OTOG: variants seen among roughly 807,000 people sequenced by gnomAD.
The protein encoded by OTOG is otogelin.
OTOG carries 296 observed loss-of-function variants against 313.8 expected under a neutral mutation model. That is an observed-to-expected ratio of 0.94 (90% confidence interval 0.86 to 1.04). The LOEUF is 1.04. OTOG is among the 50% of genes least tolerant of loss of function. The pLI, the probability that OTOG is intolerant of heterozygous loss-of-function variation, is 0.00. For missense variants in OTOG, 3,948 were observed against 3,840.1 expected (o/e 1.03, Z -0.74); for synonymous variants, 1,533 against 1,554.9 (o/e 0.99, Z 0.33).
At position 17,560,360 on chromosome 11, in the gene OTOG, A is replaced by G. The variant is rs574105082; in HGVS notation, c.1343-349A>G. Reference sequence around the variant, plus strand: ...ATAAGAAAAAATACAGGAATTCAGAATGGGGAGAGGTTGTCAGGGAAGTCA... The same window carrying G: ...ATAAGAAAAAATACAGGAATTCAGAGTGGGGAGAGGTTGTCAGGGAAGTCA... On this transcript the variant is annotated intron_variant, in intron 12 of 55. Coordinates refer to ENST00000399397, the MANE Select transcript of OTOG (RefSeq NM_001292063.2). Among the ~76,000 whole-genome samples the G allele has an allele frequency of 1.7e-4, 26 of 152,284 alleles. 1 individual carries two copies. The South Asian group carries it at 5.4e-3, about 32-fold the overall frequency.
chr11:17,562,141 T>G (rs1206717955), intron 15 of OTOG, among the ~76,000 whole-genome samples: 1 of 145,178 alleles, frequency 6.9e-6, no homozygotes, highest in Non-Finnish European at 1.5e-5. Context: ...AAATCTCTTG[T>G]AGAATATGTT....
Position 17,557,132 on chromosome 11 carries a change from A to C in OTOG, c.674A>C (p.His225Pro), listed in dbSNP as rs759531786. 3 of 1,550,182 alleles carry C rather than the reference A, an allele frequency of 1.9e-6. No individual in the cohort carries two copies. Among genetic ancestry groups the C allele is most frequent in the Non-Finnish European group, 2.6e-6 (3 of 1,146,976 alleles). Residue 225 changes from histidine to proline, a missense_variant, in exon 8 of 56, where the codon CAT becomes CCT. By Grantham distance (77) the His-to-Pro change is moderately conservative. Transcript: ENST00000399397. ...THGGMRVQLP[H>P]VMGSARLQQL... ...GTGCCCTGCAGGGTCCAACTGCCAC[A>C]TGTCATGGGGAGCGCGCGTCTGCAG...
At position 17,559,291 on chromosome 11, in the gene OTOG, A is replaced by G. The variant is rs536291000; in HGVS notation, c.1213+130A>G. On this transcript the variant is annotated intron_variant, in intron 11 of 55. Coordinates refer to ENST00000399397, the MANE Select transcript of OTOG (RefSeq NM_001292063.2). ...CTCTCAGCCCCGAGGTTTTATCGCC[A>G]TGAGAAAGACGAAAAAACTGAGGCT... is the stretch of plus-strand genomic sequence containing the variant. The G allele has an allele frequency of 5.4e-5, 52 of 959,334 alleles. No homozygotes were observed. In the South Asian group the frequency reaches 9.0e-4, roughly 17 times the overall value. 59.4% of individuals were successfully genotyped at this position (959,334 alleles called of 1,614,324 possible). A position where few individuals can be genotyped will look rare whatever the true frequency, so the allele number is the denominator to read the frequency against.
chr11:17,634,891 GGCCACC>G lies in OTOG; in HGVS notation c.7532_7537del (p.His2511_Arg2512del). ...GGGTCTCGCCCCCACATGCCGCCCAGGCCACCGCCTCCTCACCCACTTCCAGGAGGA... is the reference window on the plus strand; with the variant it reads ...GGGTCTCGCCCCCACATGCCGCCCAGGCCTCCTCACCCACTTCCAGGAGGA... On this transcript the variant is annotated inframe_deletion, in exon 45 of 56. Coordinates refer to ENST00000399397, the MANE Select transcript of OTOG (RefSeq NM_001292063.2). The G allele has an allele frequency of 6.5e-7, 1 of 1,543,576 alleles. No individual in the cohort carries two copies. The highest frequency in any genetic ancestry group is 2.5e-5 in the East Asian group (1 of 40,450).
chr11:17,601,155 A>T (rs1853239455), intron 31 of OTOG, among the ~76,000 whole-genome samples: 1 of 151,920 alleles, frequency 6.6e-6, no homozygotes, highest in Admixed American at 6.6e-5. Context: ...CTTGTCTCCC[A>T]TCTAGTGGGG....
intron 3 of OTOG, among the ~76,000 whole-genome samples, chr11:17,550,637 G>A (rs942167441): frequency 5.9e-5 from 9 of 152,166 alleles, no homozygotes; most frequent in Admixed American, 1.3e-4. Flanking sequence ...GTGAGGACAC[G>A]AAGACTGAGT....
At position 17,612,170 on chromosome 11, in the gene OTOG, C is replaced by T. The variant is rs935529251; in HGVS notation, c.6132C>T (p.Ala2044=). 5 of 1,549,450 alleles carry T rather than the reference C, an allele frequency of 3.2e-6. No homozygotes were observed. The highest frequency in any genetic ancestry group is 2.4e-5 in the East Asian group (1 of 40,908). ...CTCCACTCTGTACCCAGCCAATCGC[C>T]GAGCAGGACTGCGTCCGCCACATCT... ...ANTSTTCVPI[A]EQDCVRHICL... is the part of the protein sequence containing the mutation. The change falls in exon 37 of 56, where the codon GCC becomes GCT. Residue 2044 remains alanine, a synonymous_variant. Transcript: ENST00000399397.
At chr11:17,642,041 G>A in intron 52 of OTOG, 86 bp from the exon 53 acceptor site, 3 of 1,519,766 alleles carry the variant, frequency 2.0e-6, no homozygotes, top group Non-Finnish European at 2.7e-6. Flanking sequence ...GCCAGGGCTG[G>A]GTACAAACAG....
intron 3 of OTOG, among the ~76,000 whole-genome samples, 152 bp from the exon 4 acceptor site, chr11:17,551,848 G>T (rs1053926848): frequency 6.6e-6 from 1 of 152,138 alleles, no homozygotes; most frequent in Non-Finnish European, 1.5e-5. Flanking sequence ...CTCTCGAGGG[G>T]GCCAGGCGAG....
At chr11:17,579,381 A>G (rs923197551) in intron 23 of OTOG, among the ~76,000 whole-genome samples, 2 of 152,158 alleles carry the variant, frequency 1.3e-5, no homozygotes, top group Non-Finnish European at 2.9e-5. Flanking sequence ...CAGAGCATCC[A>G]TGGCAGAGAG....
At chr11:17,566,956 G>T (rs757959476) in intron 15 of OTOG, among the ~76,000 whole-genome samples, 3 of 152,188 alleles carry the variant, frequency 2.0e-5, no homozygotes, top group Non-Finnish European at 2.9e-5. Flanking sequence ...TTCACTCTTA[G>T]TGAAGTTCTG....
intron 38 of OTOG, among the ~76,000 whole-genome samples, chr11:17,613,068 G>T (rs950375111): frequency 6.6e-6 from 1 of 152,208 alleles, no homozygotes; most frequent in African/African-American, 2.4e-5. Context: ...CCACTGCAAT[G>T]GTGTGGCCCG....
At chr11:17,550,361 G>C (rs563928273) in intron 3 of OTOG, among the ~76,000 whole-genome samples, 1 of 152,184 alleles carries the variant, frequency 6.6e-6, no homozygotes, top group Non-Finnish European at 1.5e-5. Context: ...TGTGATATAA[G>C]TGATTTCCTT....
chr11:17,643,002 T>C (rs936664751), intron 53 of OTOG, among the ~76,000 whole-genome samples: 1 of 152,190 alleles, frequency 6.6e-6, no homozygotes, highest in African/African-American at 2.4e-5. Flanking sequence ...CATTTCATTA[T>C]AGAGGAGGAG....
intron 3 of OTOG, among the ~76,000 whole-genome samples, chr11:17,550,557 T>C (rs918247364): frequency 6.6e-6 from 1 of 152,202 alleles, no homozygotes; most frequent in East Asian, 1.9e-4. Flanking sequence ...CTTTGACTCT[T>C]TGCATCACAG....
intron 30 of OTOG, among the ~76,000 whole-genome samples, chr11:17,597,575 C>T (rs914814760): frequency 3.9e-5 from 6 of 152,100 alleles, no homozygotes; most frequent in Non-Finnish European, 8.8e-5. Flanking sequence ...ATTGCACACA[C>T]CTATCAAGTA....
intron 23 of OTOG, among the ~76,000 whole-genome samples, chr11:17,585,824 A>G (rs187993777): frequency 6.6e-6 from 1 of 152,256 alleles, no homozygotes; most frequent in African/African-American, 2.4e-5. Context: ...TCTTTAACCC[A>G]TGTGCTTGTA....
intron 23 of OTOG, among the ~76,000 whole-genome samples, chr11:17,586,170 A>G (rs1023275712): frequency 2.6e-5 from 4 of 152,228 alleles, no homozygotes; most frequent in Non-Finnish European, 4.4e-5. Context: ...GTATACAACT[A>G]GTGCCTGAGG....
chr11:17,574,697 G>T (rs936587127), intron 19 of OTOG, 23 bp from the exon 20 acceptor site: 1 of 1,543,158 alleles, frequency 6.5e-7, no homozygotes, highest in Non-Finnish European at 8.8e-7. Context: ...GACAAAGCAT[G>T]CACCACTCCC....
Sources: allele counts gnomAD v4.1 joint callset (sites outside exome capture counted in the v4.1 genomes callset), GRCh38; gene constraint gnomAD v4.1.1; transcripts MANE v1.5; gene names NCBI Gene and HGNC (gene_info 2026-07-23, HGNC 2026-07-21).